GPR35: variants seen among roughly 807,000 people sequenced by gnomAD.
GPR35 encodes KYNA receptor.
For missense variants in GPR35, 372 were observed against 422.5 expected, an observed-to-expected ratio of 0.88 and a Z score of 1.05; for synonymous variants, 207 against 198.4, an observed-to-expected ratio of 1.04 and a Z score of -0.36.
At chr2:240,624,752 C>T (rs533692846), upstream of GPR35, among the ~76,000 whole-genome samples, 4 of 152,174 alleles carry the variant, frequency 2.6e-5, no homozygotes, top group South Asian at 2.1e-4. Flanking sequence ...ACCATGGGGG[C>T]GCAGCCTGGG....
At chr2:240,623,634 C>G (rs1223528728), upstream of GPR35, among the ~76,000 whole-genome samples, 1 of 152,084 alleles carries the variant, frequency 6.6e-6, no homozygotes. Context: ...GCACGAGGGC[C>G]CAGGCTCCAG....
At chr2:240,617,189 A>C in exon 4 of GPR35, 3 of 712,298 alleles carry the variant, frequency 4.2e-6, no homozygotes, top group Non-Finnish European at 7.8e-6. Context: ...GAAAGACCTG[A>C]AACTCTACCA....
At position 240,630,573 on chromosome 2, in the gene GPR35, G is replaced by A; in HGVS notation, c.621G>A (p.Gly207=). The change falls in exon 2 of 2, where the codon GGG becomes GGA. Residue 207 remains glycine (G), a synonymous_variant. Transcript: ENST00000407714. ...ALAQRPPTDV[G]QAEATRKAAR... is the part of the protein sequence containing the mutation. ...CCCAGAGGCCACCCACCGACGTGGG[G>A]CAGGCAGAGGCCACCCGCAAGGCTG... 2 of 1,612,828 alleles carry A rather than the reference G, an allele frequency of 1.2e-6. No individual in the cohort carries two copies. Among genetic ancestry groups the A allele is most frequent in the Non-Finnish European group, 1.7e-6 (2 of 1,179,934 alleles).
chr2:240,630,248 A>G lies in GPR35; in HGVS notation c.296A>G (p.Asn99Ser). 1.3e-6 allele frequency: 2 copies of G among 1,563,256 alleles called. No individual in the cohort carries two copies. The highest frequency in any genetic ancestry group is 1.7e-6 in the Non-Finnish European group (2 of 1,157,228). The change falls in exon 2 of 2, where the codon AAC becomes AGC. Residue 99 changes from asparagine (N) to serine (S), a missense_variant. By Grantham distance (46) the Asn-to-Ser change is conservative. Coordinates refer to ENST00000407714, the MANE Select transcript of GPR35 (RefSeq NM_005301.5). ...CQLSQGIYLT[N>S]RYMSISLVTA... ...CTCTCCCAGGGCATCTACCTGACCA[A>G]CAGGTACATGAGCATCAGCCTGGTC...
chr2:240,608,370 T>C (rs1276179485), intron 2 of GPR35, among the ~76,000 whole-genome samples: 3 of 152,240 alleles, frequency 2.0e-5, no homozygotes, highest in African/African-American at 7.2e-5. Flanking sequence ...TTTGGTCTTT[T>C]ACCATTGCCC....
chr2:240,629,099 T>C (rs1054917339), intron 1 of GPR35: 13 of 152,472 alleles, frequency 8.5e-5, no homozygotes, highest in Non-Finnish European at 1.9e-4. Flanking sequence ...GCGGAGGGTG[T>C]TGGGGACAGC....
At chr2:240,617,370 G>A in exon 4 of GPR35, 1 of 642,008 alleles carries the variant, frequency 1.6e-6, no homozygotes, top group Non-Finnish European at 2.9e-6. Context: ...AAAACTCTGT[G>A]GTTTTAATCT....
chr2:240,624,864 TTC>T (rs1344137162), upstream of GPR35, among the ~76,000 whole-genome samples: 2 of 151,890 alleles, frequency 1.3e-5, no homozygotes, highest in African/African-American at 2.4e-5. Flanking sequence ...CTGGGTAGGC[TTC>T]TGAGGGGGTG....
upstream of GPR35, among the ~76,000 whole-genome samples, chr2:240,624,146 AC>A (rs1315662484): frequency 1.3e-5 from 2 of 152,032 alleles, no homozygotes. Context: ...TCCCTGCTTG[AC>A]GGCGGCCGGG....
upstream of GPR35, among the ~76,000 whole-genome samples, chr2:240,625,010 T>C (rs2043352903): frequency 6.6e-6 from 1 of 152,042 alleles, no homozygotes; most frequent in Non-Finnish European, 1.5e-5. Context: ...GTGTGTGTAT[T>C]GGAAGGCGCC....
upstream of GPR35, among the ~76,000 whole-genome samples, chr2:240,623,744 G>A (rs2043335469): frequency 1.3e-5 from 2 of 152,114 alleles, no homozygotes; most frequent in South Asian, 4.1e-4. Flanking sequence ...TACACAGGTG[G>A]AACCTGGTGG....
intron 3 of GPR35, chr2:240,616,552 G>T: frequency 1.3e-6 from 1 of 766,956 alleles, no homozygotes; most frequent in South Asian, 1.4e-5. Context: ...TTCATCAGCA[G>T]GGCATGCATT....
upstream of GPR35, among the ~76,000 whole-genome samples, chr2:240,623,058 G>A (rs1321042608): frequency 3.8e-5 from 2 of 53,034 alleles, no homozygotes; most frequent in Admixed American, 3.1e-4. Flanking sequence ...CCAGGCGACC[G>A]TGCCTGAGCC....
chr2:240,606,412 C>G (rs1432781044), exon 2 of GPR35: 1 of 152,308 alleles, frequency 6.6e-6, no homozygotes, highest in Non-Finnish European at 1.5e-5. Context: ...TGCTCCTTCT[C>G]CAAGCCCTCT....
chr2:240,619,097 G>T (rs2043266566), intron 5 of GPR35: 1 of 679,602 alleles, frequency 1.5e-6, no homozygotes, highest in Admixed American at 2.1e-5. Context: ...TTTGGCTAAA[G>T]ATATTGCCAA....
At chr2:240,607,748 T>C (rs954149170) in intron 2 of GPR35, among the ~76,000 whole-genome samples, 1 of 151,996 alleles carries the variant, frequency 6.6e-6, no homozygotes, top group African/African-American at 2.4e-5. Flanking sequence ...TTCTGGTAAA[T>C]GCCTTAGGAT....
At chr2:240,607,349 A>C (rs1050336080) in intron 2 of GPR35, 2 of 151,820 alleles carry the variant, frequency 1.3e-5, no homozygotes, top group African/African-American at 2.4e-5. Context: ...CACCTGGCTA[A>C]TTTTTTGCAT....
rs1273766718 is a variant in GPR35 at position 240,630,774 on chromosome 2, C to T, written c.822C>T (p.Ile274=). 1.2e-6 allele frequency: 2 copies of T among 1,613,588 alleles called. No homozygotes were observed. The highest frequency in any genetic ancestry group is 1.7e-6 in the Non-Finnish European group (2 of 1,180,034). Residue 274 remains isoleucine, a synonymous_variant, in exon 2 of 2, where the codon ATC becomes ATT. Transcript: ENST00000407714. ...LSDANCCLDA[I]CYYYMAKEFQ... is the part of the protein sequence containing the mutation. ...ATGCCAACTGCTGCCTGGACGCCAT[C>T]TGCTACTACTACATGGCCAAGGAGT...
chr2:240,631,640 C>T lies in GPR35; in HGVS notation c.*758C>T, dbSNP rs374831724. 6.6e-6 allele frequency among the ~76,000 whole-genome samples: 1 copy of T among 152,160 alleles called. No homozygotes were observed. The highest frequency in any genetic ancestry group is 2.1e-4 in the South Asian group (1 of 4,826). The stretch of plus-strand genomic sequence containing the variant: ...AAGGAACCCAGCCCTCTTCTCCTTC[C>T]TTCAGGGAAAGGCTGGAAACCATGT... On this transcript the variant is annotated 3_prime_UTR_variant, in exon 2 of 2. Transcript: ENST00000407714.
Sources: gnomAD v4.1 joint callset for allele counts (sites outside exome capture counted in the v4.1 genomes callset) on GRCh38, gnomAD v4.1.1 for gene constraint, MANE v1.5 for transcripts, NCBI Gene and HGNC (gene_info 2026-07-23, HGNC 2026-07-21) for gene names.